The following RUNX3 variants were observed in gnomAD, a reference collection of about 807,000 sequenced individuals.
The protein encoded by RUNX3 is RUNX family transcription factor 3, also known as runt-related transcription factor 3.
In RUNX3, 10 loss-of-function variants were observed where a neutral mutation model predicts 27.7. The ratio of observed to expected loss-of-function variants is 0.36; its 90% CI spans 0.22 to 0.61. RUNX3 has a LOEUF of 0.61. RUNX3 is among the 20% of genes least tolerant of loss of function. The probability of loss-of-function intolerance (pLI) is 0.72; values close to 1 mark genes in which losing one functional copy is unlikely to be tolerated. For missense variants in RUNX3, 469 were observed against 629.5 expected, an observed-to-expected ratio of 0.75 and a Z score of 2.73; for synonymous variants, 270 against 269.2, an observed-to-expected ratio of 1.00 and a Z score of -0.03.
At chr1:24,925,696 A>G (rs1230666460) in intron 2 of RUNX3, among the ~76,000 whole-genome samples, 2 of 152,192 alleles carry the variant, frequency 1.3e-5, no homozygotes, top group African/African-American at 2.4e-5. Context: ...TTCCTCAGAC[A>G]TCGGAACTCC....
Sources: gnomAD v4.1 joint callset for allele counts (sites outside exome capture counted in the v4.1 genomes callset) on GRCh38, gnomAD v4.1.1 for gene constraint, MANE v1.5 for transcripts, NCBI Gene and HGNC (gene_info 2026-07-23, HGNC 2026-07-21) for gene names.